The following RNF180 variants were observed in gnomAD, a reference collection of about 807,000 sequenced individuals.
RNF180 encodes ring finger protein 180, also known as E3 ubiquitin-protein ligase RNF180.
In RNF180, 38 loss-of-function variants were observed where a neutral mutation model predicts 59.2. The observed-to-expected ratio is 0.64, with a 90% CI of 0.50 to 0.84. The LOEUF is 0.84. RNF180 is among the 40% of genes least tolerant of loss of function. RNF180 has a pLI of 0.00. For missense variants in RNF180, 705 were observed against 700.9 expected (o/e 1.01, Z -0.07); for synonymous variants, 262 against 240.3 (o/e 1.09, Z -0.84).
chr5:64,259,760 T>C (rs1213943323), intron 5 of RNF180, among the ~76,000 whole-genome samples: 1 of 151,788 alleles, frequency 6.6e-6, no homozygotes. Flanking sequence ...CCATCTCTAC[T>C]AAAATACAAA....
At chr5:64,310,549 T>C (rs750895985) in intron 5 of RNF180, among the ~76,000 whole-genome samples, 1 of 151,692 alleles carries the variant, frequency 6.6e-6, no homozygotes, top group Non-Finnish European at 1.5e-5. Flanking sequence ...GTTACTGATA[T>C]AACAGTTTTT....
At chr5:64,179,765 A>C (rs1426405043) in intron 1 of RNF180, among the ~76,000 whole-genome samples, 1 of 152,188 alleles carries the variant, frequency 6.6e-6, no homozygotes, top group Non-Finnish European at 1.5e-5. Context: ...TAGAAGTAGA[A>C]CTGCACATCC....
intron 1 of RNF180, among the ~76,000 whole-genome samples, chr5:64,168,041 TA>T (rs1270394761): frequency 2.0e-5 from 3 of 152,174 alleles, no homozygotes; most frequent in Non-Finnish European, 2.9e-5. Flanking sequence ...TCATTCCAAG[TA>T]GTCACCTCAG....
intron 5 of RNF180, among the ~76,000 whole-genome samples, chr5:64,241,611 C>T (rs568179269): frequency 6.6e-6 from 1 of 152,268 alleles, no homozygotes; most frequent in Admixed American, 6.5e-5. Flanking sequence ...CAGTATTTGG[C>T]ACACAGTAGA....
In RNF180 at chr5:64,233,609, A is replaced by G. The variant is rs577112007; in HGVS notation, c.1227+16213A>G. Among the ~76,000 whole-genome samples the G allele has an allele frequency of 5.3e-5, 8 of 152,292 alleles. No homozygotes were observed. In the East Asian group the frequency reaches 9.7e-4, roughly 18 times the overall value. On this transcript the variant is annotated intron_variant, in intron 5 of 7. Transcript: ENST00000389100. ...AATGTGTATTGAGTAATATACGCCA[A>G]AATCTATGAAGGAAACTGATAGGAT...
chr5:64,258,666 A>T (rs1298348423), intron 5 of RNF180, among the ~76,000 whole-genome samples: 2 of 152,166 alleles, frequency 1.3e-5, no homozygotes, highest in East Asian at 1.9e-4. Flanking sequence ...ATATAGGTAG[A>T]TATATTGAAC....
chr5:64,267,549 G>A (rs2112339820), intron 5 of RNF180, among the ~76,000 whole-genome samples: 2 of 146,956 alleles, frequency 1.4e-5, no homozygotes, highest in Non-Finnish European at 3.0e-5. Context: ...TCCCCTTCCT[G>A]TGTCCATGTG....
Position 64,359,584 on chromosome 5 carries a change from T to C in RNF180, c.1580-10031T>C, listed in dbSNP as rs1203979121. 5.3e-5 allele frequency among the ~76,000 whole-genome samples: 8 copies of C among 151,952 alleles called. No individual in the cohort carries two copies. In the East Asian group the frequency reaches 9.7e-4, roughly 18 times the overall value. Reference sequence around the variant, plus strand: ...TGAAAATGTTCTCCCATTCTGTAGGTTGCCTGTTCACTCTGATGGTAGTTT... The same window carrying C: ...TGAAAATGTTCTCCCATTCTGTAGGCTGCCTGTTCACTCTGATGGTAGTTT... On this transcript the variant is annotated intron_variant, in intron 7 of 7. Coordinates refer to ENST00000389100, the MANE Select transcript of RNF180 (RefSeq NM_001113561.2).
intron 5 of RNF180, among the ~76,000 whole-genome samples, chr5:64,221,710 A>G (rs1741348756): frequency 6.6e-6 from 1 of 152,202 alleles, no homozygotes. Context: ...TGAAGTAATT[A>G]TATAGATCTA....
At chr5:64,215,114 C>G (rs1363068817) in intron 4 of RNF180, among the ~76,000 whole-genome samples, 2 of 152,028 alleles carry the variant, frequency 1.3e-5, no homozygotes, top group African/African-American at 4.8e-5. Context: ...ACTTCAGTAC[C>G]CATAGTAATA....
chr5:64,201,553 G>C (rs1285594555), intron 2 of RNF180, among the ~76,000 whole-genome samples: 1 of 152,188 alleles, frequency 6.6e-6, no homozygotes, highest in Non-Finnish European at 1.5e-5. Flanking sequence ...TTAACAGACA[G>C]AGTGACTGTA....
chr5:64,174,959 CTTTT>C (rs370660214), intron 1 of RNF180, among the ~76,000 whole-genome samples: 5 of 84,750 alleles, frequency 5.9e-5, no homozygotes, highest in Admixed American at 2.5e-4. Flanking sequence ...TAATCCAGTT[CTTTT>C]TTTTTTTTTT....
intron 5 of RNF180, among the ~76,000 whole-genome samples, chr5:64,312,700 A>G (rs917427564): frequency 1.3e-5 from 2 of 152,200 alleles, no homozygotes; most frequent in African/African-American, 4.8e-5. Context: ...GAAAACACCC[A>G]CACAGGAACA....
Position 64,168,487 on chromosome 5 carries a change from G to A in RNF180, c.-1+2534G>A, listed in dbSNP as rs139362812. Among the ~76,000 whole-genome samples the A allele has an allele frequency of 2.3e-3, 349 of 152,290 alleles. 3 individuals are homozygous for A. The highest frequency in any genetic ancestry group is 2.0e-3 in the Non-Finnish European group (133 of 68,024). On this transcript the variant is annotated intron_variant, in intron 1 of 7. Transcript: ENST00000389100. The stretch of plus-strand genomic sequence containing the variant: ...ATGTGCACATTTGCATGTAATCTCT[G>A]TTGTAACCTATCAATTATCTCTTTT...
chr5:64,238,210 T>G (rs11749067), intron 5 of RNF180, among the ~76,000 whole-genome samples: 1 of 151,960 alleles, frequency 6.6e-6, no homozygotes, highest in Admixed American at 6.5e-5. Flanking sequence ...CATTATATGT[T>G]TATCCCACAT....
intron 1 of RNF180, among the ~76,000 whole-genome samples, chr5:64,173,711 C>A (rs1250529881): frequency 6.8e-6 from 1 of 147,942 alleles, no homozygotes; most frequent in Admixed American, 6.8e-5. Flanking sequence ...ACTTCTATAG[C>A]ATCAACTTTT....
At chr5:64,213,435 CAG>C in intron 3 of RNF180, 121 bp from the exon 4 acceptor site, 2 of 825,038 alleles carry the variant, frequency 2.4e-6, no homozygotes, top group African/African-American at 1.7e-5. Flanking sequence ...AATCAGAAAA[CAG>C]AAAGCTAGCC....
At chr5:64,332,447 C>T (rs1225145306) in intron 7 of RNF180, among the ~76,000 whole-genome samples, 3 of 152,104 alleles carry the variant, frequency 2.0e-5, no homozygotes, top group South Asian at 2.1e-4. Context: ...CAATTTCTGG[C>T]TTTAGGTCTA....
chr5:64,368,805 AAAC>A, intron 7 of RNF180, among the ~76,000 whole-genome samples: 1 of 152,102 alleles, frequency 6.6e-6, no homozygotes. Context: ...AAAAGTCAGG[AAAC>A]AACAGGTGCT....
Sources: gnomAD v4.1 joint callset for allele counts (sites outside exome capture counted in the v4.1 genomes callset) on GRCh38, gnomAD v4.1.1 for gene constraint, MANE v1.5 for transcripts, NCBI Gene and HGNC (gene_info 2026-07-23, HGNC 2026-07-21) for gene names.